The following NAV3 variants were observed in gnomAD, a reference collection of about 807,000 sequenced individuals.
NAV3 encodes pore membrane and/or filament interacting like protein 1.
NAV3 carries 87 observed loss-of-function variants against 244.7 expected under a neutral mutation model. That is an observed-to-expected ratio of 0.36 (90% CI 0.30 to 0.42). The LOEUF (loss-of-function observed/expected upper bound fraction) is 0.42. NAV3 is among the 20% of genes least tolerant of loss of function. The pLI is 1.00. For missense variants in NAV3, 2,663 were observed against 2,893.3 expected, an observed-to-expected ratio of 0.92 and a Z score of 1.83; for synonymous variants, 1,126 against 1,042.2, an observed-to-expected ratio of 1.08 and a Z score of -1.55.
intron 2 of NAV3, among the ~76,000 whole-genome samples, chr12:77,591,691 G>A (rs1180052473): frequency 1.3e-5 from 2 of 152,166 alleles, no homozygotes; most frequent in African/African-American, 4.8e-5. Flanking sequence ...TTAAAAATGT[G>A]TGTATCCAAG....
intron 22 of NAV3, among the ~76,000 whole-genome samples, chr12:78,156,571 T>C (rs2139358650): frequency 6.6e-6 from 1 of 152,264 alleles, no homozygotes; most frequent in African/African-American, 2.4e-5. Context: ...AGAGTAATTT[T>C]CTTCAAGTTT....
intron 2 of NAV3, among the ~76,000 whole-genome samples, chr12:77,809,093 C>T (rs186957140): frequency 6.6e-6 from 1 of 152,306 alleles, no homozygotes; most frequent in East Asian, 1.9e-4. Flanking sequence ...GCCAGTGGAT[C>T]TTACCTTGCT....
intron 12 of NAV3, among the ~76,000 whole-genome samples, chr12:78,115,520 G>A (rs147647453): frequency 3.9e-5 from 6 of 152,202 alleles, no homozygotes; most frequent in African/African-American, 1.4e-4. Flanking sequence ...TGCTGTGTTA[G>A]CCTCCACATG....
intron 2 of NAV3, among the ~76,000 whole-genome samples, chr12:77,680,003 C>G (rs184353652): frequency 6.6e-6 from 1 of 151,246 alleles, no homozygotes; most frequent in Non-Finnish European, 1.5e-5. Context: ...TGAGTGAGAA[C>G]GAAAAGAGAG....
chr12:77,732,641 C>T (rs930130078), intron 2 of NAV3, among the ~76,000 whole-genome samples: 1 of 152,016 alleles, frequency 6.6e-6, no homozygotes, highest in African/African-American at 2.4e-5. Context: ...CTGCGTGGCA[C>T]AAATTGTTTT....
intron 2 of NAV3, among the ~76,000 whole-genome samples, chr12:77,586,472 A>C (rs1869619740): frequency 6.6e-6 from 1 of 152,216 alleles, no homozygotes; most frequent in Admixed American, 6.5e-5. Flanking sequence ...TTACAAACAT[A>C]ATTAAAAATG....
chr12:77,739,286 C>T (rs935076755), intron 2 of NAV3, among the ~76,000 whole-genome samples: 2 of 151,982 alleles, frequency 1.3e-5, no homozygotes, highest in African/African-American at 4.8e-5. Context: ...TGATAAACTG[C>T]AACATTAGTT....
intron 12 of NAV3, among the ~76,000 whole-genome samples, chr12:78,104,892 T>C (rs1954723355): frequency 6.6e-6 from 1 of 152,172 alleles, no homozygotes; most frequent in Admixed American, 6.5e-5. Context: ...GAAATTAATC[T>C]ATGTCATTTC....
At chr12:77,652,403 C>G (rs773523094) in intron 2 of NAV3, among the ~76,000 whole-genome samples, 1 of 152,178 alleles carries the variant, frequency 6.6e-6, no homozygotes, top group East Asian at 1.9e-4. Context: ...CTTCTGTCTT[C>G]CTAGTACCTA....
intron 5 of NAV3, among the ~76,000 whole-genome samples, chr12:77,986,630 G>A (rs1408408652): frequency 1.3e-5 from 2 of 151,970 alleles, no homozygotes; most frequent in South Asian, 2.1e-4. Flanking sequence ...AAGGAATGAG[G>A]TCATATATAC....
At chr12:77,931,090 T>C (rs115807595) in intron 1 of NAV3, among the ~76,000 whole-genome samples, 2,654 of 138,192 alleles carry the variant, frequency 0.019, 89 homozygotes, top group African/African-American at 0.073. Context: ...TCCTATCTTA[T>C]TTTTTGGAAC....
At chr12:77,691,357 A>ATATATATATATC (rs1190972203) in intron 2 of NAV3, among the ~76,000 whole-genome samples, 3 of 137,562 alleles carry the variant, frequency 2.2e-5, no homozygotes, top group Non-Finnish European at 4.7e-5. Flanking sequence ...ATATATATAC[A>ATATATATATATC]TATCCATTCT....
intron 2 of NAV3, among the ~76,000 whole-genome samples, chr12:77,719,410 T>C (rs1876510927): frequency 6.6e-6 from 1 of 152,082 alleles, no homozygotes; most frequent in African/African-American, 2.4e-5. Flanking sequence ...GAGTTTTTTT[T>C]TTTTTGACAG....
intron 9 of NAV3, among the ~76,000 whole-genome samples, chr12:78,022,421 A>T (rs1240631076): frequency 6.6e-6 from 1 of 152,164 alleles, no homozygotes; most frequent in Non-Finnish European, 1.5e-5. Flanking sequence ...GCCTAAGCAT[A>T]TATGGAAGGC....
At chr12:77,579,406 C>T (rs1293009557) in intron 2 of NAV3, among the ~76,000 whole-genome samples, 3 of 152,194 alleles carry the variant, frequency 2.0e-5, no homozygotes, top group Admixed American at 1.3e-4. Context: ...ATAGAAATTC[C>T]TTGGCTCACA....
At chr12:78,082,599 A>G (rs2137853475) in intron 12 of NAV3, among the ~76,000 whole-genome samples, 1 of 152,218 alleles carries the variant, frequency 6.6e-6, no homozygotes, top group South Asian at 2.1e-4. Flanking sequence ...CACCATTAGC[A>G]TTTCAATAGA....
At chr12:77,995,438 T>A (rs936630619) in intron 6 of NAV3, among the ~76,000 whole-genome samples, 1 of 152,176 alleles carries the variant, frequency 6.6e-6, no homozygotes, top group Admixed American at 6.5e-5. Context: ...CCTATAAAAA[T>A]GTTTTGAAAG....
chr12:78,067,825 A>G (rs1429499657), intron 12 of NAV3, among the ~76,000 whole-genome samples: 2 of 152,132 alleles, frequency 1.3e-5, no homozygotes, highest in African/African-American at 4.8e-5. Flanking sequence ...TTACCATTAT[A>G]GAATGATTCT....
At chr12:77,821,092 A>AAC (rs10555319) in intron 2 of NAV3, among the ~76,000 whole-genome samples, 46,535 of 150,120 alleles carry the variant, frequency 0.31, 7,470 homozygotes, top group East Asian at 0.43. Context: ...TGTTCGCACA[A>AAC]ACACACACAC....
Sources: gnomAD v4.1 joint callset for allele counts (sites outside exome capture counted in the v4.1 genomes callset) on GRCh38, gnomAD v4.1.1 for gene constraint, MANE v1.5 for transcripts, NCBI Gene and HGNC (gene_info 2026-07-23, HGNC 2026-07-21) for gene names.